PRSS3: variants seen among roughly 807,000 people sequenced by gnomAD.
The protein encoded by PRSS3 is trypsin-3.
In PRSS3, 14 loss-of-function variants were observed where a neutral mutation model predicts 20.8. That is an observed-to-expected ratio of 0.67 (90% CI 0.44 to 1.05). The LOEUF (loss-of-function observed/expected upper bound fraction) is 1.05, where lower values mean the gene tolerates loss of function less well. Among genes scored for constraint, PRSS3 ranks in the 50% least tolerant of loss-of-function variants. The probability of loss-of-function intolerance (pLI) is 0.00; values close to 1 mark genes in which losing one functional copy is unlikely to be tolerated. For synonymous variants in PRSS3, 91 were observed against 117.6 expected (o/e 0.77, Z 1.46); for missense variants, 237 against 306.4 (o/e 0.77, Z 1.69).
intron 3 of PRSS3, 84 bp from the exon 4 acceptor site, chr9:33,798,402 T>C: frequency 6.3e-7 from 1 of 1,583,574 alleles, no homozygotes; most frequent in East Asian, 2.2e-5. Flanking sequence ...GTGTTCCTCT[T>C]CAATGTTCCA....
At position 33,785,152 on chromosome 9, in the gene PRSS3, T is replaced by C. The variant is rs1464747158; in HGVS notation, c.-52-9594T>C. ...TGATAATGGAAAAAGATCATAGCATTGTGGTCAATTTTTTTTTTTTTTTTT... is the reference window on the plus strand; with the variant it reads ...TGATAATGGAAAAAGATCATAGCATCGTGGTCAATTTTTTTTTTTTTTTTT... On this transcript the variant is annotated intron_variant, in intron 1 of 5. Transcript: ENST00000342836. 4.1e-5 allele frequency among the ~76,000 whole-genome samples: 6 copies of C among 145,322 alleles called. No individual in the cohort carries two copies. In the East Asian group the frequency reaches 1.2e-3, roughly 29 times the overall value.
Position 33,798,464 on chromosome 9 carries a change from G to C in PRSS3, c.455-22G>C, listed in dbSNP as rs756800382. On this transcript the variant is annotated intron_variant, in intron 3 of 4. Coordinates refer to ENST00000379405, the MANE Select transcript of PRSS3 (RefSeq NM_002771.4). ...CCTCACCCACATTTCTACTTTCTTT[G>C]ATCTCTTCCTGATCCTCACAGCTGA... 9 of 1,573,960 alleles carry C rather than the reference G, an allele frequency of 5.7e-6. No individual in the cohort carries two copies. In the Admixed American group the frequency reaches 8.9e-5, roughly 16 times the overall value.
chr9:33,776,357 T>C (rs1244262145), intron 1 of PRSS3, among the ~76,000 whole-genome samples: 1 of 152,030 alleles, frequency 6.6e-6, no homozygotes, highest in Non-Finnish European at 1.5e-5. Context: ...GAAAAAAATA[T>C]TGATGAAAAA....
At chr9:33,784,787 G>A (rs1249831223) in intron 1 of PRSS3, among the ~76,000 whole-genome samples, 2 of 152,122 alleles carry the variant, frequency 1.3e-5, no homozygotes, top group Non-Finnish European at 2.9e-5. Context: ...CTACCCACCA[G>A]ATTGTACTTT....
chr9:33,758,185 C>G (rs1823038786), intron 1 of PRSS3, among the ~76,000 whole-genome samples: 1 of 152,166 alleles, frequency 6.6e-6, no homozygotes, highest in African/African-American at 2.4e-5. Flanking sequence ...TGCCTCCTCC[C>G]CTACATTGAT....
chr9:33,786,678 C>G, intron 1 of PRSS3: 1 of 766,388 alleles, frequency 1.3e-6, no homozygotes, highest in East Asian at 2.4e-5. Flanking sequence ...ACACTGATTG[C>G]AACTGCAAAT....
At chr9:33,766,369 C>G (rs974754570) in intron 1 of PRSS3, among the ~76,000 whole-genome samples, 8 of 149,152 alleles carry the variant, frequency 5.4e-5, no homozygotes, top group Admixed American at 1.3e-4. Flanking sequence ...GTCAGGAAAT[C>G]AAGACCATCC....
At chr9:33,774,427 A>G (rs910679282) in intron 1 of PRSS3, among the ~76,000 whole-genome samples, 2 of 152,158 alleles carry the variant, frequency 1.3e-5, no homozygotes, top group Non-Finnish European at 2.9e-5. Context: ...GTGAAAGGGA[A>G]GGGTGGGTCT....
At chr9:33,798,838 C>T (rs1390823418) in intron 4 of PRSS3, 190 bp from the exon 5 acceptor site, 2 of 1,047,486 alleles carry the variant, frequency 1.9e-6, no homozygotes, top group East Asian at 2.5e-5. Context: ...GCAGTGCCCC[C>T]ATTGGGAAAT....
chr9:33,759,326 G>T (rs1313653779), intron 1 of PRSS3, among the ~76,000 whole-genome samples: 3 of 152,140 alleles, frequency 2.0e-5, no homozygotes, highest in Admixed American at 2.0e-4. Context: ...TGGCTGCGGG[G>T]TGGAAGAAGA....
intron 1 of PRSS3, among the ~76,000 whole-genome samples, chr9:33,757,300 C>T (rs557771866): frequency 6.6e-6 from 1 of 152,306 alleles, no homozygotes; most frequent in Non-Finnish European, 1.5e-5. Context: ...ACATGTACAA[C>T]TAATTTACTT....
intron 1 of PRSS3, among the ~76,000 whole-genome samples, chr9:33,789,023 G>C (rs1587393625): frequency 6.6e-6 from 1 of 152,026 alleles, no homozygotes; most frequent in African/African-American, 2.4e-5. Flanking sequence ...ACAAATATGA[G>C]TGGCCATTTT....
At chr9:33,788,140 G>A (rs2119042176) in intron 1 of PRSS3, among the ~76,000 whole-genome samples, 1 of 152,338 alleles carries the variant, frequency 6.6e-6, no homozygotes, top group Middle Eastern at 3.4e-3. Flanking sequence ...ATTCTGGACA[G>A]TTCCTCCTTA....
rs1221381829 is a variant in PRSS3, at chr9:33,763,515, C to T, written c.-53+12788C>T. ...GAGATCGAGACCATCCTGGCTAACACGGTGAAACCCCGTCTCTACTGAAAA... is the reference window on the plus strand; with the variant it reads ...GAGATCGAGACCATCCTGGCTAACATGGTGAAACCCCGTCTCTACTGAAAA... On this transcript the variant is annotated intron_variant, in intron 1 of 5. Transcript: ENST00000342836. Among the ~76,000 whole-genome samples, 24 of 151,830 alleles carry T rather than the reference C, an allele frequency of 1.6e-4. No individual in the cohort carries two copies. The East Asian group carries it at 2.3e-3, about 15-fold the overall frequency.
chr9:33,776,803 C>A (rs1243885433), intron 1 of PRSS3, among the ~76,000 whole-genome samples: 3 of 151,850 alleles, frequency 2.0e-5, no homozygotes, highest in African/African-American at 7.3e-5. Flanking sequence ...AAATTAATAG[C>A]CTCAGTGATC....
intron 1 of PRSS3, among the ~76,000 whole-genome samples, chr9:33,779,761 C>A (rs193121511): frequency 4.1e-5 from 6 of 145,908 alleles, no homozygotes; most frequent in Non-Finnish European, 7.5e-5. Context: ...CCCAGCTACT[C>A]GGGAGGCTGA....
chr9:33,766,922 TTAA>T (rs1823459962), intron 1 of PRSS3, among the ~76,000 whole-genome samples: 1 of 151,784 alleles, frequency 6.6e-6, no homozygotes. Context: ...ATTAAACACC[TTAA>T]AAGGATAAAT....
At chr9:33,771,645 G>T (rs10814046) in intron 1 of PRSS3, among the ~76,000 whole-genome samples, 31,002 of 77,394 alleles carry the variant, frequency 0.4, 4,811 homozygotes, top group Middle Eastern at 0.48. Flanking sequence ...TTGTTTTTTT[G>T]TTTTTTTTTT....
At chr9:33,786,664 C>A in intron 1 of PRSS3, 1 of 766,356 alleles carries the variant, frequency 1.3e-6, no homozygotes, top group Admixed American at 1.7e-5. Flanking sequence ...CTGGACAGAG[C>A]GTGACACTGA....
Sources: gnomAD v4.1 joint callset for allele counts (sites outside exome capture counted in the v4.1 genomes callset) on GRCh38, gnomAD v4.1.1 for gene constraint, MANE v1.5 for transcripts, NCBI Gene and HGNC (gene_info 2026-07-23, HGNC 2026-07-21) for gene names.